MYO18B: variants seen among roughly 807,000 people sequenced by gnomAD.
MYO18B encodes the protein unconventional myosin-XVIIIb.
MYO18B carries 204 observed loss-of-function variants against 273.0 expected under a neutral mutation model. The ratio of observed to expected loss-of-function variants is 0.75; its 90% CI spans 0.67 to 0.84. The LOEUF is 0.84. MYO18B is among the 40% of genes least tolerant of loss of function. The pLI is 0.00. For synonymous variants in MYO18B, 1,330 were observed against 1,305.7 expected (o/e 1.02, Z -0.40); for missense variants, 3,212 against 3,287.6 (o/e 0.98, Z 0.56).
intron 39 of MYO18B, among the ~76,000 whole-genome samples, chr22:25,981,981 G>A (rs913623350): frequency 2.6e-5 from 4 of 152,144 alleles, no homozygotes; most frequent in Non-Finnish European, 5.9e-5. Flanking sequence ...GCATGGCTAA[G>A]GAGGCCTCAG....
At chr22:25,833,116 G>A (rs1385413052) in intron 16 of MYO18B, 119 bp downstream of exon 16, 7 of 911,178 alleles carry the variant, frequency 7.7e-6, no homozygotes, top group African/African-American at 4.9e-5. Flanking sequence ...GAGTCACCCC[G>A]GGATCATTGG....
chr22:25,912,787 C>G (rs995663328), intron 33 of MYO18B, among the ~76,000 whole-genome samples: 1 of 152,180 alleles, frequency 6.6e-6, no homozygotes, highest in Non-Finnish European at 1.5e-5. Context: ...TTTCTTTCCT[C>G]CCTCCCCAGA....
the MYO18B span, among the ~76,000 whole-genome samples, chr22:26,059,824 C>T: frequency 1.0e-2 from 1,522 of 152,230 alleles, 19 homozygotes; most frequent in East Asian, 0.052. Context: ...TTCCCTTGTG[C>T]CTGGAGCTCT....
At chr22:25,840,152 A>G (rs1490085368) in intron 17 of MYO18B, among the ~76,000 whole-genome samples, 2 of 151,922 alleles carry the variant, frequency 1.3e-5, no homozygotes, top group Non-Finnish European at 2.9e-5. Context: ...TTCTCCCCAC[A>G]ACCCTGGGCG....
At chr22:25,891,091 A>G (rs934937221) in intron 26 of MYO18B, among the ~76,000 whole-genome samples, 1 of 151,990 alleles carries the variant, frequency 6.6e-6, no homozygotes, top group African/African-American at 2.4e-5. Context: ...GGCGAATAGG[A>G]GAGGATTGTG....
At chr22:25,948,560 CT>C (rs1328567518) in intron 36 of MYO18B, among the ~76,000 whole-genome samples, 2 of 145,732 alleles carry the variant, frequency 1.4e-5, no homozygotes, top group Admixed American at 7.1e-5. Flanking sequence ...TTCTCTTTCT[CT>C]TTTTCTTCTT....
chr22:25,788,867 C>G (rs1427145585), intron 11 of MYO18B, among the ~76,000 whole-genome samples: 1 of 152,180 alleles, frequency 6.6e-6, no homozygotes, highest in African/African-American at 2.4e-5. Flanking sequence ...AGCGGTTAAG[C>G]TGGGTGGCCT....
downstream of MYO18B, among the ~76,000 whole-genome samples, chr22:26,035,658 AT>A (rs1486760002): frequency 6.6e-6 from 1 of 152,262 alleles, no homozygotes; most frequent in African/African-American, 2.4e-5. Flanking sequence ...AAAGCCAATC[AT>A]TGAGACAACA....
chr22:25,846,895 C>A (rs1015781055), intron 19 of MYO18B, among the ~76,000 whole-genome samples: 1 of 152,100 alleles, frequency 6.6e-6, no homozygotes, highest in South Asian at 2.1e-4. Flanking sequence ...GCCTGGCCAA[C>A]ATGGTGAAAC....
Position 25,954,961 on chromosome 22 carries a change from C to T in MYO18B, c.5971-218C>T, listed in dbSNP as rs112398920. On this transcript the variant is annotated intron_variant, in intron 38 of 43. Transcript: ENST00000335473. Reference sequence around the variant, plus strand: ...CTGACCTCAGGTAATCCACATGCCTCGGCCTCCCAAAGTGCTGGGATTACA... The same window carrying T: ...CTGACCTCAGGTAATCCACATGCCTTGGCCTCCCAAAGTGCTGGGATTACA... Among the ~76,000 whole-genome samples the T allele has an allele frequency of 3.9e-5, 6 of 152,324 alleles. No homozygotes were observed. The East Asian group carries it at 5.8e-4, about 15-fold the overall frequency.
intron 34 of MYO18B, among the ~76,000 whole-genome samples, chr22:25,940,670 C>T (rs1053759293): frequency 1.3e-5 from 2 of 152,212 alleles, no homozygotes; most frequent in African/African-American, 4.8e-5. Flanking sequence ...AATGCAACCT[C>T]TCCTTCCCTC....
At chr22:26,051,424 C>A in the MYO18B span, among the ~76,000 whole-genome samples, 9,985 of 151,954 alleles carry the variant, frequency 0.066, 405 homozygotes, top group Middle Eastern at 0.14. Flanking sequence ...AGGGTTTCAT[C>A]GTGTTAACCA....
At chr22:25,764,003 C>T (rs2086418768) in intron 3 of MYO18B, among the ~76,000 whole-genome samples, 1 of 152,120 alleles carries the variant, frequency 6.6e-6, no homozygotes, top group Non-Finnish European at 1.5e-5. Flanking sequence ...TAACCCTTGG[C>T]CCCCCAAGTG....
chr22:25,912,929 A>C (rs1417834336), intron 33 of MYO18B, among the ~76,000 whole-genome samples: 1 of 152,186 alleles, frequency 6.6e-6, no homozygotes, highest in Non-Finnish European at 1.5e-5. Context: ...TTAGTCTATA[A>C]TGATACATGC....
intron 22 of MYO18B, among the ~76,000 whole-genome samples, chr22:25,870,097 G>T (rs2091006065): frequency 1.3e-5 from 2 of 152,210 alleles, no homozygotes; most frequent in South Asian, 2.1e-4. Flanking sequence ...CTCTTTTCAA[G>T]ATCCTATCTG....
chr22:26,004,550 A>C (rs1304851543), intron 41 of MYO18B, among the ~76,000 whole-genome samples, 168 bp from the exon 42 acceptor site: 1 of 152,230 alleles, frequency 6.6e-6, no homozygotes, highest in Non-Finnish European at 1.5e-5. Flanking sequence ...CAGTAATTCC[A>C]TCTGTGTAAC....
Position 25,826,420 on chromosome 22 carries a change from A to T in MYO18B, c.2707A>T (p.Thr903Ser), listed in dbSNP as rs372006164. 6.2e-7 allele frequency: 1 copy of T among 1,611,332 alleles called. No individual in the cohort carries two copies. Reference sequence around the variant, plus strand: ...GTCCTCTTTCCCAGGGCTCAAGATGACAGGAGTGGACTGTGTGGAGGGGAT... The same window carrying T: ...GTCCTCTTTCCCAGGGCTCAAGATGTCAGGAGTGGACTGTGTGGAGGGGAT... ...DEETSSGLKMTGVDCVEGMAS... is the reference protein window; with the variant it reads ...DEETSSGLKMSGVDCVEGMAS... Residue 903 changes from threonine to serine, a missense_variant, in exon 14 of 44, where the codon ACA becomes TCA. By Grantham distance (58) the Thr-to-Ser change is moderately conservative. Coordinates refer to ENST00000335473, the MANE Select transcript of MYO18B (RefSeq NM_032608.7).
chr22:25,870,537 C>T (rs925244845), intron 22 of MYO18B, among the ~76,000 whole-genome samples: 6 of 152,154 alleles, frequency 3.9e-5, no homozygotes, highest in Non-Finnish European at 7.3e-5. Flanking sequence ...GTGTATGCGT[C>T]TATTGTTGAC....
chr22:25,781,855 G>A, intron 10 of MYO18B, 21 bp downstream of exon 10: 2 of 1,498,064 alleles, frequency 1.3e-6, no homozygotes, highest in Non-Finnish European at 1.8e-6. Flanking sequence ...GGGGCAGGAA[G>A]AGACAGCTGA....
Sources: allele counts gnomAD v4.1 joint callset (sites outside exome capture counted in the v4.1 genomes callset), GRCh38; gene constraint gnomAD v4.1.1; transcripts MANE v1.5; gene names NCBI Gene and HGNC (gene_info 2026-07-23, HGNC 2026-07-21).